Variants in ADAM11 observed in about 807,000 individuals in gnomAD.
The protein encoded by ADAM11 is ADAM metallopeptidase domain 11, also known as disintegrin and metalloproteinase domain-containing protein 11.
In ADAM11, 49 loss-of-function variants were observed where a neutral mutation model predicts 119.1. That is an observed-to-expected ratio of 0.41 (90% CI 0.33 to 0.52). The LOEUF (loss-of-function observed/expected upper bound fraction) is 0.52, where lower values mean the gene tolerates loss of function less well. ADAM11 is among the 20% of genes least tolerant of loss of function. ADAM11 has a pLI of 0.20. For synonymous variants in ADAM11, 364 were observed against 408.0 expected (o/e 0.89, Z 1.30); for missense variants, 777 against 1,047.5 (o/e 0.74, Z 3.56).
Position 44,779,211 on chromosome 17 carries a change from TC to T in ADAM11, c.2277-6del. On this transcript the variant is annotated splice_polypyrimidine_tract_variant and intron_variant, in intron 25 of 26. Transcript: ENST00000200557. ...CTTTTCCTCTCCCCTTCCACCATCC[TC>T]CCCCTGCAGAAACATTCGCCGAGGA... is the stretch of plus-strand genomic sequence containing the variant. 1 of 1,586,344 alleles carries T rather than the reference TC, an allele frequency of 6.3e-7. No individual in the cohort carries two copies. The highest frequency in any genetic ancestry group is 1.8e-5 in the Admixed American group (1 of 54,894).
intron 14 of ADAM11, 21 bp downstream of exon 14, chr17:44,774,770 C>A: frequency 6.3e-7 from 1 of 1,588,608 alleles, no homozygotes; most frequent in Non-Finnish European, 8.5e-7. Context: ...GGGGACAAAC[C>A]GGGGGAAGGT....
chr17:44,766,825 G>C (rs1482066748), intron 2 of ADAM11, among the ~76,000 whole-genome samples: 1 of 152,184 alleles, frequency 6.6e-6, no homozygotes, highest in Non-Finnish European at 1.5e-5. Flanking sequence ...CCTCCCACCA[G>C]GGATGGAGGG....
chr17:44,776,269 T>G lies in ADAM11; in HGVS notation c.1566+62T>G. 3 of 1,589,218 alleles carry G rather than the reference T, an allele frequency of 1.9e-6. No homozygotes were observed. Among genetic ancestry groups the G allele is most frequent in the Non-Finnish European group, 2.6e-6 (3 of 1,160,594 alleles). ...GAGGCAACCCCTACCCTTGTCGATT[T>G]GGTTTTCCCGGACGAGTGCTCAGCA... On this transcript the variant is annotated intron_variant, in intron 18 of 26. Coordinates refer to ENST00000200557, the MANE Select transcript of ADAM11 (RefSeq NM_002390.6). The surrounding 1 kb of genome is among the most constrained non-coding windows in gnomAD (Gnocchi z 5.2).
rs2049602772 is a variant in ADAM11, at chr17:44,776,467, A to C, written c.1566+260A>C. Among the ~76,000 whole-genome samples the C allele has an allele frequency of 1.3e-5, 2 of 152,154 alleles. No homozygotes were observed. Among genetic ancestry groups the C allele is most frequent in the Non-Finnish European group, 2.9e-5 (2 of 68,016 alleles). On this transcript the variant is annotated intron_variant, in intron 18 of 26. Coordinates refer to ENST00000200557, the MANE Select transcript of ADAM11 (RefSeq NM_002390.6). The surrounding 1 kb of genome is among the most constrained non-coding windows in gnomAD (Gnocchi z 5.2). Reference sequence around the variant, plus strand: ...GTGCCTGGTGTAGGTTAGGGATCAGAGTAGACGATAATATTAGTTAACATC... The same window carrying C: ...GTGCCTGGTGTAGGTTAGGGATCAGCGTAGACGATAATATTAGTTAACATC...
At chr17:44,769,839 G>A in intron 3 of ADAM11, 45 bp downstream of exon 3, 1 of 1,607,182 alleles carries the variant, frequency 6.2e-7, no homozygotes, top group Non-Finnish European at 8.5e-7. Flanking sequence ...TGGTGGGGCG[G>A]GGGAGACATG....
chr17:44,760,044 G>A (rs1214156733), intron 2 of ADAM11, 147 bp downstream of exon 2: 22 of 835,390 alleles, frequency 2.6e-5, no homozygotes, highest in Middle Eastern at 4.1e-4. Flanking sequence ...GGGTGCTGGA[G>A]CCCACTGGTG....
chr17:44,761,971 C>T (rs1234352696), intron 2 of ADAM11, among the ~76,000 whole-genome samples: 1 of 152,238 alleles, frequency 6.6e-6, no homozygotes. Context: ...TACAGACGTG[C>T]GCCACCATGC....
chr17:44,759,792 C>T lies in ADAM11; in HGVS notation c.132C>T (p.Ala44=), dbSNP rs547225623. Residue 44 remains alanine, a synonymous_variant, in exon 2 of 27, where the codon GCC becomes GCT. Coordinates refer to ENST00000200557, the MANE Select transcript of ADAM11 (RefSeq NM_002390.6). ...GGLPQLGGPG[A]PEVTEPSRLV... is the part of the protein sequence containing the mutation. ...TACCCCAGCTGGGAGGCCCAGGAGC[C>T]CCTGAGGTCACGGAACCCAGCCGTC... 3.0e-6 allele frequency: 4 copies of T among 1,321,868 alleles called. No individual in the cohort carries two copies. In the South Asian group the frequency reaches 8.8e-5, roughly 29 times the overall value. 81.9% of individuals were successfully genotyped at this position (1,321,868 alleles called of 1,614,324 possible).
At chr17:44,769,687 T>G in intron 2 of ADAM11, 31 bp from the exon 3 acceptor site, 3 of 1,526,666 alleles carry the variant, frequency 2.0e-6, no homozygotes, top group Non-Finnish European at 2.7e-6. Flanking sequence ...CCTCCCTGGG[T>G]TGACTCCCCC....
intron 4 of ADAM11, among the ~76,000 whole-genome samples, chr17:44,771,186 C>T (rs766077812): frequency 7.3e-5 from 11 of 150,276 alleles, no homozygotes; most frequent in South Asian, 2.1e-4. Context: ...CCCAGCTACT[C>T]GGGAGGCTGA....
At chr17:44,761,490 G>A (rs2049388890) in intron 2 of ADAM11, among the ~76,000 whole-genome samples, 1 of 152,106 alleles carries the variant, frequency 6.6e-6, no homozygotes, top group African/African-American at 2.4e-5. Context: ...TCTCTGTGTT[G>A]TTCTGCAGGT....
In ADAM11 at chr17:44,772,244, G is replaced by T. The variant is rs1235691240; in HGVS notation, c.544-23G>T. 23 of 1,598,228 alleles carry T rather than the reference G, an allele frequency of 1.4e-5. No homozygotes were observed. Among genetic ancestry groups the T allele is most frequent in the African/African-American group, 2.7e-5 (2 of 74,602 alleles). On this transcript the variant is annotated intron_variant, in intron 6 of 26. Transcript: ENST00000200557. This position sits in a 1 kb window ranked among gnomAD's most constrained non-coding sequence, Gnocchi z 4.5. ...GGAGCAGGCCCAGTTGGCACCCCAA[G>T]AACTAATTTCCCCTCATTGCAGGGA...
At chr17:44,765,707 G>A (rs1398703604) in intron 2 of ADAM11, among the ~76,000 whole-genome samples, 2 of 128,088 alleles carry the variant, frequency 1.6e-5, no homozygotes, top group African/African-American at 5.9e-5. Context: ...TGCAACCTCC[G>A]CCTCCCGGGT....
At chr17:44,762,379 C>T (rs2049399746) in intron 2 of ADAM11, among the ~76,000 whole-genome samples, 1 of 152,202 alleles carries the variant, frequency 6.6e-6, no homozygotes, top group Non-Finnish European at 1.5e-5. Flanking sequence ...ATGGCAAACC[C>T]TCAATCTCCT....
At chr17:44,762,352 C>T (rs970456465) in intron 2 of ADAM11, among the ~76,000 whole-genome samples, 1 of 152,118 alleles carries the variant, frequency 6.6e-6, no homozygotes, top group African/African-American at 2.4e-5. Context: ...GAATATTTTC[C>T]CCAACGGTAA....
rs114652741 is a variant in ADAM11, at chr17:44,770,436, C to G, written c.381+388C>G. On this transcript the variant is annotated intron_variant, in intron 4 of 26. Transcript: ENST00000200557. ...GCTGCCTGGGACACTAGGGTCCCAG[C>G]CCTGAAGGCTCTAGAGCCTGAAAAT... is the stretch of plus-strand genomic sequence containing the variant. Among the ~76,000 whole-genome samples, 867 of 152,162 alleles carry G rather than the reference C, an allele frequency of 5.7e-3. 9 individuals are homozygous for G. The highest frequency in any genetic ancestry group is 0.02 in the African/African-American group (828 of 41,440).
rs76867467 is a variant in ADAM11, at chr17:44,776,684, G to A, written c.1567-61G>A. ...ACTTGGTACCCCAGCATTCCTCCCT[G>A]GGGCAGCCCTCAGCTCCAGTCCTGG... On this transcript the variant is annotated intron_variant, in intron 18 of 26. Coordinates refer to ENST00000200557, the MANE Select transcript of ADAM11 (RefSeq NM_002390.6). The surrounding 1 kb of genome is among the most constrained non-coding windows in gnomAD (Gnocchi z 5.2). 1 of 1,592,510 alleles carries A rather than the reference G, an allele frequency of 6.3e-7. No homozygotes were observed. Among genetic ancestry groups the A allele is most frequent in the Admixed American group, 1.7e-5 (1 of 58,934 alleles).
At chr17:44,779,262 G>A in intron 26 of ADAM11, 23 bp downstream of exon 26, 4 of 1,562,206 alleles carry the variant, frequency 2.6e-6, no homozygotes, top group Admixed American at 2.1e-5. Context: ...CCAGCAGGGG[G>A]CAGTGTGATG....
At chr17:44,779,106 A>C (rs1598896360) in intron 25 of ADAM11, 116 bp from the exon 26 acceptor site, 3 of 1,363,204 alleles carry the variant, frequency 2.2e-6, no homozygotes, top group Non-Finnish European at 2.0e-6. Context: ...GGCCCCGGGG[A>C]CCCCGGCCCC....
Sources: gnomAD v4.1 joint callset for allele counts (sites outside exome capture counted in the v4.1 genomes callset) on GRCh38, gnomAD v4.1.1 for gene constraint, Gnocchi (gnomAD v3.1) non-coding constraint, MANE v1.5 for transcripts, NCBI Gene and HGNC (gene_info 2026-07-23, HGNC 2026-07-21) for gene names.